The following TNKS variants were observed in gnomAD, a reference collection of about 807,000 sequenced individuals.
The protein encoded by TNKS is poly [ADP-ribose] polymerase tankyrase-1.
In TNKS, 72 loss-of-function variants were observed where a neutral mutation model predicts 135.8. That is an observed-to-expected ratio of 0.53 (90% CI 0.44 to 0.64). TNKS has a LOEUF of 0.64. Among genes scored for constraint, TNKS ranks in the 30% least tolerant of loss-of-function variants. The pLI is 0.00. For synonymous variants in TNKS, 849 were observed against 649.3 expected (o/e 1.31, Z -4.68); for missense variants, 1,769 against 1,674.0 (o/e 1.06, Z -0.99).
At chr8:9,731,985 C>T (rs1585389503) in intron 14 of TNKS, among the ~76,000 whole-genome samples, 1 of 152,230 alleles carries the variant, frequency 6.6e-6, no homozygotes, top group East Asian at 1.9e-4. Context: ...GACGGGGTTT[C>T]ACTGTGTTAG....
chr8:9,575,599 A>T (rs1469206101), intron 1 of TNKS, among the ~76,000 whole-genome samples: 1 of 152,378 alleles, frequency 6.6e-6, no homozygotes, highest in Non-Finnish European at 1.5e-5. Context: ...GTACAGAAAT[A>T]GGAAAGGTTT....
chr8:9,690,263 G>C (rs1428763101), intron 5 of TNKS, among the ~76,000 whole-genome samples: 7 of 152,078 alleles, frequency 4.6e-5, no homozygotes, highest in Non-Finnish European at 8.8e-5. Context: ...ACAAATTGCT[G>C]GCCGCTGAAA....
At chr8:9,752,769 A>G (rs1044314554) in intron 20 of TNKS, 143 bp downstream of exon 20, 4 of 517,854 alleles carry the variant, frequency 7.7e-6, no homozygotes, top group Non-Finnish European at 9.9e-6. Context: ...AGCCTGGGCA[A>G]CAAAGCGAGA....
chr8:9,698,834 A>G (rs950662613), intron 5 of TNKS, among the ~76,000 whole-genome samples: 3 of 152,202 alleles, frequency 2.0e-5, no homozygotes, highest in African/African-American at 7.2e-5. Context: ...GACAAATGCA[A>G]GTTTGTTTTT....
chr8:9,655,486 A>T (rs1481067560), intron 3 of TNKS, among the ~76,000 whole-genome samples: 2 of 151,976 alleles, frequency 1.3e-5, no homozygotes, highest in East Asian at 3.9e-4. Context: ...ACTGGGAGGC[A>T]CCCCCCAGTA....
intron 1 of TNKS, among the ~76,000 whole-genome samples, chr8:9,575,663 A>G (rs1335347186): frequency 6.6e-6 from 1 of 152,226 alleles, no homozygotes; most frequent in Non-Finnish European, 1.5e-5. Flanking sequence ...TAATGTTCAG[A>G]ATATGTAAAG....
At chr8:9,721,924 G>A (rs966537801) in intron 12 of TNKS, among the ~76,000 whole-genome samples, 10 of 151,736 alleles carry the variant, frequency 6.6e-5, no homozygotes, top group East Asian at 1.9e-4. Flanking sequence ...GTGGTGGTGC[G>A]TGCCTGTAAT....
At chr8:9,757,119 G>T (rs528357356) in intron 20 of TNKS, among the ~76,000 whole-genome samples, 19 of 152,240 alleles carry the variant, frequency 1.2e-4, no homozygotes, top group African/African-American at 4.3e-4. Context: ...TGGGATTACA[G>T]GCATAGGCCA....
intron 2 of TNKS, among the ~76,000 whole-genome samples, chr8:9,603,055 A>G (rs373775188): frequency 2.6e-5 from 4 of 151,942 alleles, no homozygotes; most frequent in African/African-American, 4.8e-5. Flanking sequence ...AAATTTAACT[A>G]TGACTTTTTT....
At chr8:9,628,167 TAAA>T (rs60413454) in intron 3 of TNKS, among the ~76,000 whole-genome samples, 2 of 151,666 alleles carry the variant, frequency 1.3e-5, no homozygotes, top group Non-Finnish European at 1.5e-5. Flanking sequence ...AACAATAAAA[TAAA>T]AAAAAAAACA....
intron 17 of TNKS, among the ~76,000 whole-genome samples, chr8:9,747,763 T>C (rs1355124651): frequency 6.6e-6 from 1 of 152,198 alleles, no homozygotes; most frequent in Non-Finnish European, 1.5e-5. Flanking sequence ...ATTAGAGGGA[T>C]GCATTTTTTG....
rs1374575056 is a variant in TNKS at position 9,763,183 on chromosome 8, A to C, written c.3311A>C (p.Gln1104Pro). ...NPYLTFHCVN[Q>P]GTILLDLAPE... ...TATTTGACTTTTCACTGTGTTAATC[A>C]GGGAACGATTTTGCTGGATCTTGCT... is the stretch of plus-strand genomic sequence containing the variant. Residue 1104 changes from glutamine to proline, a missense_variant, in exon 22 of 27, where the codon CAG becomes CCG. Physicochemically the swap from Gln to Pro is moderately conservative, Grantham distance 76. Coordinates refer to ENST00000310430, the MANE Select transcript of TNKS (RefSeq NM_003747.3). 1.9e-6 allele frequency: 3 copies of C among 1,605,640 alleles called. No homozygotes were observed. The highest frequency in any genetic ancestry group is 1.7e-5 in the Admixed American group (1 of 59,568).
chr8:9,574,958 A>G (rs993056681), intron 1 of TNKS: 1 of 809,896 alleles, frequency 1.2e-6, no homozygotes, highest in Non-Finnish European at 1.5e-6. Flanking sequence ...CTGTGAGGTA[A>G]GAAGCAAGTG....
intron 2 of TNKS, among the ~76,000 whole-genome samples, chr8:9,611,952 A>G (rs1489823560): frequency 6.6e-6 from 1 of 151,450 alleles, no homozygotes; most frequent in Non-Finnish European, 1.5e-5. Context: ...GGGTGGGAGA[A>G]GAAGAGATTC....
rs570115180 is a variant in TNKS at position 9,705,794 on chromosome 8, T to C, written c.1203-393T>C. ...GAATACTTTGATATGCAAGTTATAA[T>C]AGTTTGGATATTTGATTATTTTGCT... is the stretch of plus-strand genomic sequence containing the variant. On this transcript the variant is annotated intron_variant, in intron 6 of 26. Transcript: ENST00000310430. 2.0e-3 allele frequency among the ~76,000 whole-genome samples: 298 copies of C among 152,312 alleles called. 1 individual carries two copies. The highest frequency in any genetic ancestry group is 6.8e-3 in the African/African-American group (284 of 41,572).
At chr8:9,659,095 G>C (rs1362734483) in intron 3 of TNKS, among the ~76,000 whole-genome samples, 1 of 152,148 alleles carries the variant, frequency 6.6e-6, no homozygotes, top group Non-Finnish European at 1.5e-5. Flanking sequence ...CAAGTCCTTA[G>C]TGAAGTACAA....
At chr8:9,771,348 CAGGGAGGGAGAGAGAGAGGAAGGG>C (rs372058021) in intron 26 of TNKS, among the ~76,000 whole-genome samples, 1,257 of 58,356 alleles carry the variant, frequency 0.022, 24 homozygotes, top group African/African-American at 0.069. Flanking sequence ...GGAAGGGAAG[CAGGGAGGGAGAGAGAGAGGAAGGG>C]AGGGAGGGAA....
chr8:9,571,728 T>C (rs904612640), intron 1 of TNKS, among the ~76,000 whole-genome samples: 1 of 152,306 alleles, frequency 6.6e-6, no homozygotes, highest in East Asian at 1.9e-4. Flanking sequence ...CCTACCAAAG[T>C]GCTGGGATCA....
intron 26 of TNKS, among the ~76,000 whole-genome samples, chr8:9,770,620 C>G (rs1415813730): frequency 1.3e-5 from 2 of 152,146 alleles, no homozygotes; most frequent in Non-Finnish European, 2.9e-5. Flanking sequence ...ATGTACATGC[C>G]ACAGGATTTG....
Sources: allele counts gnomAD v4.1 joint callset (sites outside exome capture counted in the v4.1 genomes callset), GRCh38; gene constraint gnomAD v4.1.1; transcripts MANE v1.5; gene names NCBI Gene and HGNC (gene_info 2026-07-23, HGNC 2026-07-21).